Variants in SPIDR observed in about 807,000 individuals in gnomAD.
The protein encoded by SPIDR is DNA repair-scaffolding protein.
SPIDR carries 93 observed loss-of-function variants against 104.6 expected under a neutral mutation model. The observed-to-expected ratio is 0.89, with a 90% confidence interval of 0.75 to 1.06. The LOEUF (loss-of-function observed/expected upper bound fraction) is 1.06. Among genes scored for constraint, SPIDR ranks in the 50% least tolerant of loss-of-function variants. SPIDR has a pLI of 0.00. For missense variants in SPIDR, 1,154 were observed against 1,111.2 expected (o/e 1.04, Z -0.55); for synonymous variants, 431 against 416.9 (o/e 1.03, Z -0.41).
At chr8:47,482,671 A>C (rs563863932) in intron 8 of SPIDR, among the ~76,000 whole-genome samples, 7 of 152,292 alleles carry the variant, frequency 4.6e-5, no homozygotes, top group Admixed American at 1.3e-4. Flanking sequence ...GCTCCAGTCT[A>C]TGCACTGAGC....
At chr8:47,713,193 C>G in intron 15 of SPIDR, 1 of 643,926 alleles carries the variant, frequency 1.6e-6, no homozygotes, top group Non-Finnish European at 2.5e-6. Flanking sequence ...GCCCCTTTTT[C>G]CAGGGATCAA....
At chr8:47,688,951 C>T (rs1290589484) in intron 11 of SPIDR, among the ~76,000 whole-genome samples, 1 of 152,200 alleles carries the variant, frequency 6.6e-6, no homozygotes, top group African/African-American at 2.4e-5. Flanking sequence ...ACCGCTGAGG[C>T]TGAGAGCCTT....
At chr8:47,521,414 C>G (rs887699295) in intron 8 of SPIDR, among the ~76,000 whole-genome samples, 2 of 151,794 alleles carry the variant, frequency 1.3e-5, no homozygotes, top group Non-Finnish European at 2.9e-5. Flanking sequence ...AAACAATACC[C>G]AGTCGTTTTG....
chr8:47,270,114 G>T (rs1025951627), intron 1 of SPIDR, among the ~76,000 whole-genome samples: 5 of 152,094 alleles, frequency 3.3e-5, no homozygotes, highest in Non-Finnish European at 7.4e-5. Context: ...TCTGTGCTTC[G>T]TTGTTATGTT....
chr8:47,305,071 CT>C (rs1381846985), intron 5 of SPIDR, among the ~76,000 whole-genome samples: 2 of 152,222 alleles, frequency 1.3e-5, no homozygotes, highest in African/African-American at 4.8e-5. Flanking sequence ...AAATAAACTT[CT>C]TTTCTTTGTA....
chr8:47,527,032 A>C (rs992327774), intron 8 of SPIDR, among the ~76,000 whole-genome samples: 1 of 151,976 alleles, frequency 6.6e-6, no homozygotes, highest in East Asian at 1.9e-4. Context: ...TGCAAGTTAC[A>C]CTCCAGGGGG....
chr8:47,660,008 C>T (rs2073831564), intron 10 of SPIDR, among the ~76,000 whole-genome samples: 1 of 152,216 alleles, frequency 6.6e-6, no homozygotes, highest in African/African-American at 2.4e-5. Context: ...TTGCTGTGCT[C>T]TCGCTGTCCT....
intron 8 of SPIDR, among the ~76,000 whole-genome samples, chr8:47,536,319 A>T (rs1233901129): frequency 6.6e-6 from 1 of 152,182 alleles, no homozygotes; most frequent in East Asian, 1.9e-4. Flanking sequence ...GAAATGCAAA[A>T]TACCTACAAT....
chr8:47,498,562 C>T (rs2079826068), intron 8 of SPIDR, among the ~76,000 whole-genome samples: 2 of 152,140 alleles, frequency 1.3e-5, no homozygotes, highest in Non-Finnish European at 2.9e-5. Flanking sequence ...TGTCTGTATT[C>T]TGACTATAAA....
chr8:47,472,230 G>C (rs1450420403), intron 8 of SPIDR, among the ~76,000 whole-genome samples: 1 of 152,226 alleles, frequency 6.6e-6, no homozygotes, highest in Non-Finnish European at 1.5e-5. Flanking sequence ...GTGCTAGTCT[G>C]CTGCTCTGGG....
At chr8:47,448,814 G>A (rs1214668320) in intron 8 of SPIDR, among the ~76,000 whole-genome samples, 2 of 152,148 alleles carry the variant, frequency 1.3e-5, no homozygotes, top group Admixed American at 1.3e-4. Context: ...GGCATTTGGA[G>A]TAGAGGAGAC....
At chr8:47,569,129 C>T (rs963230393) in intron 8 of SPIDR, among the ~76,000 whole-genome samples, 3 of 152,064 alleles carry the variant, frequency 2.0e-5, no homozygotes, top group African/African-American at 7.2e-5. Context: ...ATAGGTATAT[C>T]ATTGTAGATA....
In SPIDR at chr8:47,596,024, T is replaced by G. The variant is rs1223953632; in HGVS notation, c.1293+18T>G. On this transcript the variant is annotated intron_variant, in intron 9 of 19. Transcript: ENST00000297423. ...AAATCCAGGTAAACTCCTATTGGCC[T>G]AAAGGTTTTATGCTTGTAATAATGT... The G allele has an allele frequency of 4.6e-5, 73 of 1,595,890 alleles. No homozygotes were observed. The highest frequency in any genetic ancestry group is 5.6e-5 in the Non-Finnish European group (65 of 1,170,128).
chr8:47,337,599 G>T (rs2050004204), intron 5 of SPIDR, among the ~76,000 whole-genome samples: 1 of 141,678 alleles, frequency 7.1e-6, no homozygotes, highest in Non-Finnish European at 1.5e-5. Flanking sequence ...TTTTTAGTAT[G>T]TTTTTGGTTG....
intron 10 of SPIDR, among the ~76,000 whole-genome samples, chr8:47,671,652 T>G (rs1157331817): frequency 6.6e-6 from 1 of 150,932 alleles, no homozygotes; most frequent in Non-Finnish European, 1.5e-5. Flanking sequence ...GTCCTTATTT[T>G]ACCATCATTC....
chr8:47,654,594 C>G (rs1241678692), intron 10 of SPIDR, among the ~76,000 whole-genome samples: 4 of 152,144 alleles, frequency 2.6e-5, no homozygotes, highest in African/African-American at 9.7e-5. Flanking sequence ...TATAGATGCA[C>G]TCATATAACA....
chr8:47,400,421 G>A (rs1286474637), intron 6 of SPIDR, among the ~76,000 whole-genome samples: 1 of 152,224 alleles, frequency 6.6e-6, no homozygotes, highest in Non-Finnish European at 1.5e-5. Context: ...AGGGTTGTTA[G>A]TCTCAGGTCT....
intron 8 of SPIDR, among the ~76,000 whole-genome samples, chr8:47,494,324 CTG>C (rs2079138158): frequency 1.3e-5 from 2 of 151,358 alleles, no homozygotes; most frequent in Non-Finnish European, 2.9e-5. Flanking sequence ...GGGTCTCACT[CTG>C]TTGCCCAGGC....
chr8:47,340,020 G>A (rs782551703), intron 5 of SPIDR, among the ~76,000 whole-genome samples: 2 of 152,052 alleles, frequency 1.3e-5, no homozygotes, highest in Non-Finnish European at 2.9e-5. Flanking sequence ...CTATCCATAA[G>A]TGTAAATGTA....
Sources: allele counts gnomAD v4.1 joint callset (sites outside exome capture counted in the v4.1 genomes callset), GRCh38; gene constraint gnomAD v4.1.1; transcripts MANE v1.5; gene names NCBI Gene and HGNC (gene_info 2026-07-23, HGNC 2026-07-21).